The following MGST2 variants were observed in gnomAD, a reference collection of about 807,000 sequenced individuals.
MGST2 encodes the protein microsomal glutathione S-transferase 2, also known as glutathione peroxidase MGST2.
A neutral mutation model predicts 16.6 loss-of-function variants in MGST2; 9 were observed. The ratio of observed to expected loss-of-function variants is 0.54; its 90% CI spans 0.33 to 0.95. The LOEUF (loss-of-function observed/expected upper bound fraction) is 0.95. Among genes scored for constraint, MGST2 ranks in the 40% least tolerant of loss-of-function variants. The pLI is 0.03. For synonymous variants in MGST2, 79 were observed against 68.0 expected, an observed-to-expected ratio of 1.16 and a Z score of -0.79; for missense variants, 159 against 175.1, an observed-to-expected ratio of 0.91 and a Z score of 0.52.
intron 5 of MGST2, among the ~76,000 whole-genome samples, chr4:139,734,661 T>G (rs1728860641): frequency 6.6e-6 from 1 of 152,258 alleles, no homozygotes; most frequent in Non-Finnish European, 1.5e-5. Context: ...ACAGGCAGTT[T>G]TCGACTTCAA....
intron 5 of MGST2, among the ~76,000 whole-genome samples, chr4:139,713,541 C>T (rs1450793649): frequency 1.3e-5 from 2 of 149,746 alleles, no homozygotes; most frequent in Non-Finnish European, 3.0e-5. Flanking sequence ...AACCTTTTTC[C>T]AGAAAAACAA....
chr4:139,692,147 A>T (rs1483515935), intron 2 of MGST2, among the ~76,000 whole-genome samples: 1 of 152,202 alleles, frequency 6.6e-6, no homozygotes, highest in African/African-American at 2.4e-5. Context: ...TGAGCTCAGC[A>T]GTGACCAGCC....
chr4:139,734,464 A>T (rs564576655), intron 5 of MGST2, among the ~76,000 whole-genome samples: 1 of 152,188 alleles, frequency 6.6e-6, no homozygotes, highest in Non-Finnish European at 1.5e-5. Flanking sequence ...CAAAAATCCA[A>T]CTGTGGCTAC....
chr4:139,730,513 T>C, intron 5 of MGST2: 1 of 1,559,544 alleles, frequency 6.4e-7, no homozygotes, highest in African/African-American at 1.4e-5. Context: ...GGCCCGCTGA[T>C]CAATGAGCAT....
chr4:139,676,861 G>GT (rs767666657), intron 1 of MGST2, among the ~76,000 whole-genome samples: 1 of 152,174 alleles, frequency 6.6e-6, no homozygotes, highest in Admixed American at 6.5e-5. Context: ...CTGCAAAGCT[G>GT]TTTTTTGTGG....
At chr4:139,730,518 G>A (rs1224908392) in intron 5 of MGST2, 3 of 1,561,768 alleles carry the variant, frequency 1.9e-6, no homozygotes, top group Admixed American at 1.9e-5. Context: ...GCTGATCAAT[G>A]AGCATCTGCT....
chr4:139,752,726 C>T, the MGST2 span, among the ~76,000 whole-genome samples: 4 of 151,934 alleles, frequency 2.6e-5, no homozygotes, highest in African/African-American at 7.3e-5. Context: ...CATGGCCAAT[C>T]GAAGATCGCA....
intron 1 of MGST2, among the ~76,000 whole-genome samples, chr4:139,676,022 G>A (rs1730940890): frequency 6.6e-6 from 1 of 152,182 alleles, no homozygotes; most frequent in Non-Finnish European, 1.5e-5. Flanking sequence ...CTGGATGGTC[G>A]GCTTCATGGC....
At chr4:139,707,660 A>G (rs1198753047), downstream of MGST2, among the ~76,000 whole-genome samples, 1 of 150,200 alleles carries the variant, frequency 6.7e-6, no homozygotes, top group East Asian at 2.0e-4. Flanking sequence ...GAACTAGTTT[A>G]CAGTCCCACC....
chr4:139,688,489 C>T (rs975784107), intron 2 of MGST2, among the ~76,000 whole-genome samples: 1 of 151,926 alleles, frequency 6.6e-6, no homozygotes, highest in African/African-American at 2.4e-5. Flanking sequence ...AAATATTAGC[C>T]TCTTCTCATT....
intron 3 of MGST2, among the ~76,000 whole-genome samples, chr4:139,702,874 A>G (rs1462795383): frequency 5.0e-5 from 2 of 39,914 alleles, no homozygotes; most frequent in East Asian, 1.4e-3. Context: ...TTTTTTTACA[A>G]TTTTAGCCAT....
intron 5 of MGST2, chr4:139,720,015 C>A (rs778884987): frequency 1.7e-5 from 28 of 1,613,982 alleles, no homozygotes; most frequent in East Asian, 2.2e-5. Flanking sequence ...ACCATTCCAA[C>A]CCCCTGCCCA....
chr4:139,668,148 A>G (rs1730471026), intron 1 of MGST2, among the ~76,000 whole-genome samples: 2 of 152,228 alleles, frequency 1.3e-5, no homozygotes, highest in South Asian at 4.1e-4. Context: ...CTGATTGGCA[A>G]TTGATTAAAA....
chr4:139,681,428 C>T (rs895926031), intron 2 of MGST2, among the ~76,000 whole-genome samples: 3 of 152,048 alleles, frequency 2.0e-5, no homozygotes, highest in African/African-American at 7.2e-5. Flanking sequence ...AGGACTGATC[C>T]TCTAGTTTTC....
At chr4:139,754,015 A>C in the MGST2 span, among the ~76,000 whole-genome samples, 1 of 152,246 alleles carries the variant, frequency 6.6e-6, no homozygotes, top group Admixed American at 6.5e-5. Context: ...AATTAATACT[A>C]CCTACTATGC....
At chr4:139,709,011 A>G (rs1472694192), downstream of MGST2, among the ~76,000 whole-genome samples, 21 of 150,304 alleles carry the variant, frequency 1.4e-4, no homozygotes, top group African/African-American at 4.9e-4. Context: ...AAAAAAAAAA[A>G]AAAAGAAAAA....
intron 1 of MGST2, among the ~76,000 whole-genome samples, chr4:139,667,426 C>T (rs989941588): frequency 6.7e-6 from 1 of 149,960 alleles, no homozygotes; most frequent in African/African-American, 2.5e-5. Context: ...TGCTCATCCT[C>T]CCTGTTTGCT....
chr4:139,747,382 G>A, the MGST2 span, among the ~76,000 whole-genome samples: 1 of 152,222 alleles, frequency 6.6e-6, no homozygotes, highest in East Asian at 1.9e-4. Context: ...GAATTCTAGG[G>A]GGAAGAACTT....
chr4:139,714,795 T>A (rs1477554319), intron 5 of MGST2, among the ~76,000 whole-genome samples: 1 of 151,860 alleles, frequency 6.6e-6, no homozygotes, highest in Non-Finnish European at 1.5e-5. Flanking sequence ...GAACCACCCA[T>A]TGCAGCGACA....
Sources: gnomAD v4.1 joint callset for allele counts (sites outside exome capture counted in the v4.1 genomes callset) on GRCh38, gnomAD v4.1.1 for gene constraint, MANE v1.5 for transcripts, NCBI Gene and HGNC (gene_info 2026-07-23, HGNC 2026-07-21) for gene names.